Variants in CCDC43 observed in about 807,000 individuals in gnomAD.
The protein encoded by CCDC43 is coiled-coil domain containing 43.
Under a neutral mutation model 33.3 loss-of-function variants are expected in CCDC43, and 20 were observed. That is an observed-to-expected ratio of 0.60 (90% confidence interval 0.42 to 0.87). CCDC43 has a LOEUF of 0.87. CCDC43 is among the 40% of genes least tolerant of loss of function. The probability of loss-of-function intolerance (pLI) is 0.00; values close to 1 mark genes in which losing one functional copy is unlikely to be tolerated. For synonymous variants in CCDC43, 104 were observed against 106.5 expected, an observed-to-expected ratio of 0.98 and a Z score of 0.14; for missense variants, 248 against 269.9, an observed-to-expected ratio of 0.92 and a Z score of 0.57.
intron 1 of CCDC43, chr17:44,689,118 C>G (rs192468222): frequency 5.8e-4 from 99 of 172,030 alleles, no homozygotes; most frequent in Non-Finnish European, 1.1e-3. Context: ...CTGCAGGCTT[C>G]TGTCATGGGA....
rs925903665 is a variant in CCDC43 at position 44,678,186 on chromosome 17, CAAT to C, written c.*667_*669del. 2 of 151,776 alleles carry C rather than the reference CAAT, an allele frequency of 1.3e-5. No homozygotes were observed. The highest frequency in any genetic ancestry group is 2.4e-5 in the African/African-American group (1 of 41,130). 9.4% of individuals were successfully genotyped at this position (151,776 alleles called of 1,614,324 possible). Reference sequence around the variant, plus strand: ...GATTATACAAAATGAATCTAGCCAACAATGATATCCTTGCACCCAATAGTGACA... The same window carrying C: ...GATTATACAAAATGAATCTAGCCAACGATATCCTTGCACCCAATAGTGACA... On this transcript the variant is annotated 3_prime_UTR_variant, in exon 5 of 5. Coordinates refer to ENST00000315286, the MANE Select transcript of CCDC43 (RefSeq NM_144609.3).
chr17:44,678,746 G>C lies in CCDC43; in HGVS notation c.*110C>G. ...TTTCCTTTTGACCATGTAAACAATA[G>C]GGGAAATGCCTTGGGAAACTACTTT... On this transcript the variant is annotated 3_prime_UTR_variant, in exon 5 of 5. Coordinates refer to ENST00000315286, the MANE Select transcript of CCDC43 (RefSeq NM_144609.3). 9.1e-7 allele frequency: 1 copy of C among 1,103,598 alleles called. No homozygotes were observed. The highest frequency in any genetic ancestry group is 1.6e-5 in the African/African-American group (1 of 63,126). The allele number at this position is 1,103,598 out of a possible 1,614,324, so 68.4% of individuals were successfully genotyped here. A position where few individuals can be genotyped will look rare whatever the true frequency, so the allele number is the denominator to read the frequency against.
Position 44,681,986 on chromosome 17 carries a change from G to A in CCDC43, c.428+17C>T. On this transcript the variant is annotated intron_variant, in intron 3 of 4. Coordinates refer to ENST00000315286, the MANE Select transcript of CCDC43 (RefSeq NM_144609.3). ...CTTGAGCTTTAGGGAATGGTGCCGA[G>A]ACTCCAGAAAGGATATTCCTCTTCA... The A allele has an allele frequency of 6.2e-7, 1 of 1,613,886 alleles. No individual in the cohort carries two copies. The highest frequency in any genetic ancestry group is 8.5e-7 in the Non-Finnish European group (1 of 1,179,818).
intron 3 of CCDC43, 147 bp downstream of exon 3, chr17:44,681,856 T>A (rs1972167601): frequency 1.2e-6 from 1 of 851,166 alleles, no homozygotes; most frequent in East Asian, 2.4e-5. Context: ...ACTCCGCATA[T>A]CCACAAAGGG....
In CCDC43 at chr17:44,680,589, G is replaced by A. The variant is rs1376296124; in HGVS notation, c.483C>T (p.Asp161=). 8 of 1,605,028 alleles carry A rather than the reference G, an allele frequency of 5.0e-6. No homozygotes were observed. The South Asian group carries it at 7.7e-5, about 16-fold the overall frequency. The change falls in exon 4 of 5, where the codon GAC becomes GAT. Residue 161 remains aspartate, a synonymous_variant. Coordinates refer to ENST00000315286, the MANE Select transcript of CCDC43 (RefSeq NM_144609.3). ...GGGAGGGACCCAGAAGGATACGTTT[G>A]TCAGAACCAATGTTCATTGTGGTAG... ...SGATTMNIGS[D]KLLFRNTNVE... is the part of the protein sequence containing the mutation.
chr17:44,689,734 A>T lies in CCDC43; in HGVS notation c.20T>A (p.Val7Glu), dbSNP rs774005920. 116 of 1,570,440 alleles carry T rather than the reference A, an allele frequency of 7.4e-5. No individual in the cohort carries two copies. The highest frequency in any genetic ancestry group is 8.9e-5 in the Non-Finnish European group (103 of 1,159,854). The change falls in exon 1 of 5, where the codon GTG becomes GAG. Residue 7 changes from valine (V) to glutamate (E), a missense_variant. Transcript: ENST00000315286. MAAPSEVAAIAPGEGDG... is the reference protein window; with the variant it reads MAAPSEEAAIAPGEGDG... ...GCCTTCGCCAGGGGCTATCGCGGCC[A>T]CTTCGCTGGGCGCCGCCATCTTGGG...
chr17:44,689,553 G>A lies in CCDC43; in HGVS notation c.201C>T (p.Phe67=), dbSNP rs956705314. 7 of 1,613,828 alleles carry A rather than the reference G, an allele frequency of 4.3e-6. No homozygotes were observed. Among genetic ancestry groups the A allele is most frequent in the East Asian group, 2.2e-5 (1 of 44,886 alleles). Residue 67 remains phenylalanine (F), a synonymous_variant, in exon 1 of 5, where the codon TTC becomes TTT. Coordinates refer to ENST00000315286, the MANE Select transcript of CCDC43 (RefSeq NM_144609.3). ...LDALQGILSA[F]LEEDSLLNIC... is the part of the protein sequence containing the mutation. ...GGAATGTGTCCAGGCTACTCACCAGGAAAGCAGAGAGGATCCCCTGCAGAG... is the reference window on the plus strand; with the variant it reads ...GGAATGTGTCCAGGCTACTCACCAGAAAAGCAGAGAGGATCCCCTGCAGAG...
Position 44,678,034 on chromosome 17 carries a change from A to G in CCDC43, c.*822T>C, listed in dbSNP as rs937443443. 1 of 152,616 alleles carries G rather than the reference A, an allele frequency of 6.6e-6. No homozygotes were observed. The highest frequency in any genetic ancestry group is 2.4e-5 in the African/African-American group (1 of 41,446). The allele number at this position is 152,616 out of a possible 1,614,324, so 9.5% of individuals were successfully genotyped here. A position where few individuals can be genotyped will look rare whatever the true frequency, so the allele number is the denominator to read the frequency against. ...CTTAAATATCTTGGTGTTAGCAGAA[A>G]TTTCCAGTGTTTCTTCCTTAAAAGG... On this transcript the variant is annotated 3_prime_UTR_variant, in exon 5 of 5. Transcript: ENST00000315286.
Position 44,682,020 on chromosome 17 carries a change from A to G in CCDC43, c.411T>C (p.Asp137=). Reference sequence around the variant, plus strand: ...AAGGATATTCCTCTTCATCTGTCACATCAGCATACTGGGCCAGGAGGGCAG... The same window carrying G: ...AAGGATATTCCTCTTCATCTGTCACGTCAGCATACTGGGCCAGGAGGGCAG... ...RKAALLAQYA[D]VTDEEDEADE... Residue 137 remains aspartate, a synonymous_variant, in exon 3 of 5, where the codon GAT becomes GAC. Coordinates refer to ENST00000315286, the MANE Select transcript of CCDC43 (RefSeq NM_144609.3). The G allele has an allele frequency of 1.2e-6, 2 of 1,614,018 alleles. No homozygotes were observed. Among genetic ancestry groups the G allele is most frequent in the South Asian group, 1.1e-5 (1 of 91,088 alleles).
rs190618829 is a variant in CCDC43, at chr17:44,682,092, G to A, written c.339C>T (p.Ile113=). Reference sequence around the variant, plus strand: ...CTGACACCATCCTTGGCTTTACTACGATTTGTGCCTGCTTCTCAATTAGGG... The same window carrying A: ...CTGACACCATCCTTGGCTTTACTACAATTTGTGCCTGCTTCTCAATTAGGG... ...IATLIEKQAQ[I]VVKPRMVSEE... The change falls in exon 3 of 5, where the codon ATC becomes ATT. Residue 113 remains isoleucine, a synonymous_variant. Coordinates refer to ENST00000315286, the MANE Select transcript of CCDC43 (RefSeq NM_144609.3). 36 of 1,613,798 alleles carry A rather than the reference G, an allele frequency of 2.2e-5. No individual in the cohort carries two copies. The highest frequency in any genetic ancestry group is 2.8e-5 in the Non-Finnish European group (33 of 1,179,886).
intron 1 of CCDC43, 123 bp downstream of exon 1, chr17:44,689,427 T>C (rs1972289267): frequency 7.1e-7 from 1 of 1,404,670 alleles, no homozygotes; most frequent in Non-Finnish European, 9.6e-7. Context: ...ATCAGAGGAG[T>C]ATACCTCTCC....
Position 44,680,654 on chromosome 17 carries a change from T to G in CCDC43, c.429-11A>C. ...TTCTCATCTGCTTCAGTAAGTGATG[T>G]TAAGGAAAGTCAGATGGAAAACAAC... On this transcript the variant is annotated splice_polypyrimidine_tract_variant and intron_variant, in intron 3 of 4. Coordinates refer to ENST00000315286, the MANE Select transcript of CCDC43 (RefSeq NM_144609.3). The G allele has an allele frequency of 6.2e-7, 1 of 1,600,144 alleles. No individual in the cohort carries two copies. Among genetic ancestry groups the G allele is most frequent in the Non-Finnish European group, 8.6e-7 (1 of 1,168,298 alleles).
chr17:44,687,089 G>C (rs1972247267), intron 1 of CCDC43, among the ~76,000 whole-genome samples: 1 of 151,956 alleles, frequency 6.6e-6, no homozygotes, highest in African/African-American at 2.4e-5. Flanking sequence ...AGGAGCATAA[G>C]ACCACCCTGA....
rs1160083392 is a variant in CCDC43, at chr17:44,689,724, T to A, written c.30A>T (p.Ile10=). The A allele has an allele frequency of 6.3e-7, 1 of 1,584,614 alleles. No individual in the cohort carries two copies. The highest frequency in any genetic ancestry group is 2.3e-5 in the East Asian group (1 of 43,158). MAAPSEVAA[I]APGEGDGGGG... is the part of the protein sequence containing the mutation. The stretch of plus-strand genomic sequence containing the variant: ...CTCCGCCATCGCCTTCGCCAGGGGC[T>A]ATCGCGGCCACTTCGCTGGGCGCCG... The change falls in exon 1 of 5, where the codon ATA becomes ATT. Residue 10 remains isoleucine (I), a synonymous_variant. Transcript: ENST00000315286.
chr17:44,680,752 T>TTATC, intron 3 of CCDC43, 109 bp from the exon 4 acceptor site: 1 of 762,504 alleles, frequency 1.3e-6, no homozygotes, highest in East Asian at 2.5e-5. Flanking sequence ...AGGGAGCACA[T>TTATC]TATCAGGGAT....
chr17:44,682,615 T>C (rs913816549), intron 2 of CCDC43, among the ~76,000 whole-genome samples: 39 of 152,226 alleles, frequency 2.6e-4, no homozygotes, highest in Admixed American at 2.5e-3. Context: ...CCCAACACTT[T>C]GGGAGGCCAA....
chr17:44,684,209 AT>A (rs1274142695), intron 1 of CCDC43, among the ~76,000 whole-genome samples: 3 of 152,322 alleles, frequency 2.0e-5, no homozygotes, highest in African/African-American at 7.2e-5. Flanking sequence ...GGGAAGATTC[AT>A]ACCAACTCAG....
At chr17:44,689,311 G>A (rs1193197601) in intron 1 of CCDC43, 8 of 567,460 alleles carry the variant, frequency 1.4e-5, no homozygotes, top group Admixed American at 6.3e-5. Context: ...ATCGGAGAGG[G>A]CCTTGTCCCC....
chr17:44,689,373 C>T, intron 1 of CCDC43, 177 bp downstream of exon 1: 1 of 868,078 alleles, frequency 1.2e-6, no homozygotes, highest in Non-Finnish European at 1.7e-6. Flanking sequence ...TTCAGGCTTC[C>T]CACACCTGGT....
Sources: allele counts gnomAD v4.1 joint callset (sites outside exome capture counted in the v4.1 genomes callset), GRCh38; gene constraint gnomAD v4.1.1; transcripts MANE v1.5; gene names NCBI Gene and HGNC (gene_info 2026-07-23, HGNC 2026-07-21).